Variants in IQCE observed in about 807,000 individuals in gnomAD.
IQCE encodes IQ motif containing E.
A neutral mutation model predicts 96.0 loss-of-function variants in IQCE; 115 were observed. That is an observed-to-expected ratio of 1.20 (90% CI 1.03 to 1.40). The LOEUF is 1.40. Ranked by LOEUF, IQCE falls within the 40% of genes most tolerant of loss-of-function variation. The pLI is 0.00. For synonymous variants in IQCE, 412 were observed against 371.2 expected (o/e 1.11, Z -1.26); for missense variants, 1,041 against 909.1 (o/e 1.15, Z -1.87).
chr7:2,583,223 G>T (rs1782814912), intron 9 of IQCE, among the ~76,000 whole-genome samples: 1 of 152,188 alleles, frequency 6.6e-6, no homozygotes, highest in Non-Finnish European at 1.5e-5. Flanking sequence ...TTGAGACCGA[G>T]GGGATGGCCT....
chr7:2,580,157 C>T (rs1332070187), intron 8 of IQCE: 1 of 152,132 alleles, frequency 6.6e-6, no homozygotes, highest in Admixed American at 6.6e-5. Flanking sequence ...CATCACCTGC[C>T]TTCAAGAAAC....
intron 12 of IQCE, among the ~76,000 whole-genome samples, 162 bp from the exon 13 acceptor site, chr7:2,587,660 C>T (rs56412903): frequency 0.17 from 26,162 of 152,106 alleles, 2,752 homozygotes; most frequent in African/African-American, 0.27. Flanking sequence ...ACTGGGCCAG[C>T]GCTGGCAAAA....
In IQCE at chr7:2,613,674, G is replaced by A. The variant is rs1386949188; in HGVS notation, c.*3512G>A. 1 of 152,512 alleles carries A rather than the reference G, an allele frequency of 6.6e-6. No individual in the cohort carries two copies. The highest frequency in any genetic ancestry group is 1.5e-5 in the Non-Finnish European group (1 of 68,246). The allele number at this position is 152,512 out of a possible 1,614,324, so 9.4% of individuals were successfully genotyped here. On this transcript the variant is annotated 3_prime_UTR_variant, in exon 22 of 22. Transcript: ENST00000402050. Reference sequence around the variant, plus strand: ...AAACCAGCAGAAAAGAGGCAGAAGTGAGGTGGGTGTGCCTGGGGCACGAAG... The same window carrying A: ...AAACCAGCAGAAAAGAGGCAGAAGTAAGGTGGGTGTGCCTGGGGCACGAAG...
intron 8 of IQCE, among the ~76,000 whole-genome samples, chr7:2,580,658 TG>T (rs1782594222): frequency 6.6e-6 from 1 of 150,896 alleles, no homozygotes; most frequent in Non-Finnish European, 1.5e-5. Flanking sequence ...AGAGATACTG[TG>T]GGAAATAGTG....
At chr7:2,606,095 A>G (rs936136773) in intron 20 of IQCE, 98 bp downstream of exon 20, 10 of 1,393,018 alleles carry the variant, frequency 7.2e-6, no homozygotes, top group African/African-American at 1.5e-5. Context: ...TGTGGCGGAA[A>G]CTGGAGCAGC....
At chr7:2,590,529 C>A (rs1783506993) in intron 14 of IQCE, among the ~76,000 whole-genome samples, 1 of 152,146 alleles carries the variant, frequency 6.6e-6, no homozygotes, top group South Asian at 2.1e-4. Flanking sequence ...CTTTGGGAGG[C>A]CGAAGTGGGA....
chr7:2,599,813 G>A (rs181926058), intron 17 of IQCE, among the ~76,000 whole-genome samples: 12 of 147,674 alleles, frequency 8.1e-5, no homozygotes, highest in Non-Finnish European at 1.8e-4. Flanking sequence ...TTTTTTTTGA[G>A]ATGGAGTTTC....
At chr7:2,567,230 G>T in intron 2 of IQCE, 67 bp downstream of exon 2, 1 of 1,271,920 alleles carries the variant, frequency 7.9e-7, no homozygotes, top group Admixed American at 1.7e-5. Flanking sequence ...GACTGCACTC[G>T]GAAGCGTAAA....
chr7:2,603,276 A>G (rs1186692019), intron 18 of IQCE, among the ~76,000 whole-genome samples: 1 of 152,152 alleles, frequency 6.6e-6, no homozygotes, highest in African/African-American at 2.4e-5. Flanking sequence ...CCTGCCTGGC[A>G]TCTCACTTTG....
At chr7:2,581,698 A>G (rs969483104) in intron 8 of IQCE, among the ~76,000 whole-genome samples, 2 of 149,722 alleles carry the variant, frequency 1.3e-5, no homozygotes, top group Non-Finnish European at 3.0e-5. Flanking sequence ...TCTATTTAGA[A>G]GAAAAGAATG....
chr7:2,595,513 AGATG>A (rs1231961934), intron 16 of IQCE, among the ~76,000 whole-genome samples: 1 of 152,154 alleles, frequency 6.6e-6, no homozygotes, highest in African/African-American at 2.4e-5. Context: ...CAGGGACCCT[AGATG>A]GATGCTCTCC....
intron 3 of IQCE, among the ~76,000 whole-genome samples, chr7:2,571,074 G>A (rs1405825198): frequency 1.3e-5 from 2 of 152,130 alleles, no homozygotes; most frequent in African/African-American, 2.4e-5. Flanking sequence ...CTGGAATGCA[G>A]TGGCATGATC....
rs1203046006 is a variant in IQCE at position 2,612,907 on chromosome 7, G to A, written c.*2745G>A. The A allele has an allele frequency of 2.0e-5, 3 of 152,156 alleles. No homozygotes were observed. The highest frequency in any genetic ancestry group is 2.9e-5 in the Non-Finnish European group (2 of 68,018). The allele number at this position is 152,156 out of a possible 1,614,324, so 9.4% of individuals were successfully genotyped here. A position where few individuals can be genotyped will look rare whatever the true frequency, so the allele number is the denominator to read the frequency against. On this transcript the variant is annotated 3_prime_UTR_variant, in exon 22 of 22. Transcript: ENST00000402050. ...ACTCCCGGGGGAGACGAAGTAGAGA[G>A]TGAGTCCCCAAGAAAGGGACTCCTG... is the stretch of plus-strand genomic sequence containing the variant.
chr7:2,567,958 C>G (rs1349077756), intron 2 of IQCE, among the ~76,000 whole-genome samples: 3 of 152,186 alleles, frequency 2.0e-5, no homozygotes, highest in African/African-American at 4.8e-5. Flanking sequence ...AAAATTCCCC[C>G]CGCGCAGAAC....
intron 15 of IQCE, among the ~76,000 whole-genome samples, chr7:2,593,424 G>T (rs1407451434): frequency 6.6e-6 from 1 of 152,250 alleles, no homozygotes; most frequent in Admixed American, 6.5e-5. Context: ...CCACCCAGGT[G>T]TGGGCCACAT....
rs1454903673 is a variant in IQCE at position 2,613,498 on chromosome 7, G to A, written c.*3336G>A. 1 of 152,214 alleles carries A rather than the reference G, an allele frequency of 6.6e-6. No individual in the cohort carries two copies. The highest frequency in any genetic ancestry group is 2.4e-5 in the African/African-American group (1 of 41,436). The allele number at this position is 152,214 out of a possible 1,614,324, so 9.4% of individuals were successfully genotyped here. On this transcript the variant is annotated 3_prime_UTR_variant, in exon 22 of 22. Coordinates refer to ENST00000402050, the MANE Select transcript of IQCE (RefSeq NM_152558.5). ...CATCCAGGATGGGGAGAAAGAGGAG[G>A]AGGCCCCAGGCTCAGAAGCCAGGGA...
At position 2,568,947 on chromosome 7, in the gene IQCE, C is replaced by G. The variant is rs759988518; in HGVS notation, c.85-7C>G. On this transcript the variant is annotated splice_region_variant and splice_polypyrimidine_tract_variant and intron_variant, in intron 2 of 21. Coordinates refer to ENST00000402050, the MANE Select transcript of IQCE (RefSeq NM_152558.5). ...GCAAGCCTTATGCCATTTCTTCTTT[C>G]TTTCAGAAAGCAAAAAGGAAAGCTT... is the stretch of plus-strand genomic sequence containing the variant. 4.3e-6 allele frequency: 7 copies of G among 1,612,322 alleles called. No homozygotes were observed. The East Asian group carries it at 1.1e-4, about 26-fold the overall frequency.
At chr7:2,569,445 T>C (rs1181844348) in intron 3 of IQCE, among the ~76,000 whole-genome samples, 1 of 152,172 alleles carries the variant, frequency 6.6e-6, no homozygotes, top group Non-Finnish European at 1.5e-5. Flanking sequence ...CTTTTTCCCC[T>C]TTGGATCATC....
Position 2,608,185 on chromosome 7 carries a change from C to T in IQCE, c.1969+958C>T, listed in dbSNP as rs994135218. 2.0e-5 allele frequency among the ~76,000 whole-genome samples: 3 copies of T among 152,200 alleles called. No individual in the cohort carries two copies. The East Asian group carries it at 5.8e-4, about 29-fold the overall frequency. ...CAGGACGGGCCCAGGGAGCCGGCAG[C>T]CCCCCAGTACCACTCCAGTAAGTGT... On this transcript the variant is annotated intron_variant, in intron 21 of 21. Coordinates refer to ENST00000402050, the MANE Select transcript of IQCE (RefSeq NM_152558.5).
Sources: allele counts gnomAD v4.1 joint callset (sites outside exome capture counted in the v4.1 genomes callset), GRCh38; gene constraint gnomAD v4.1.1; transcripts MANE v1.5; gene names NCBI Gene and HGNC (gene_info 2026-07-23, HGNC 2026-07-21).